MYH7B: variants seen among roughly 807,000 people sequenced by gnomAD.
MYH7B encodes myosin-7B.
Under a neutral mutation model 234.5 loss-of-function variants are expected in MYH7B, and 205 were observed. The observed-to-expected ratio is 0.87, with a 90% CI of 0.78 to 0.98. The LOEUF is 0.98. Ranked by LOEUF, MYH7B falls within the 50% of genes least tolerant of loss-of-function variation. MYH7B has a pLI of 0.00. For synonymous variants in MYH7B, 1,193 were observed against 1,105.0 expected (o/e 1.08, Z -1.58); for missense variants, 2,652 against 2,633.4 (o/e 1.01, Z -0.15).
chr20:35,000,312 G>A (rs1173385507), exon 39 of MYH7B: 3 of 1,588,878 alleles, frequency 1.9e-6, no homozygotes, highest in East Asian at 2.2e-5. Context: ...CCAGCGAGCT[G>A]TGGAGTCCCT....
Position 35,000,685 on chromosome 20 carries a change from C to A in MYH7B, c.5174C>A (p.Ser1725Ter), listed in dbSNP as rs781351049. The stretch of plus-strand genomic sequence containing the variant: ...ACCGAGCGCCTCAACCTTCTGCATT[C>A]GCAGGTGGGGACAGGAGTCCCTGGG... The change falls in exon 39 of 45, where the codon TCG becomes TAG. Residue 1725 changes from serine to a stop codon, truncating the protein, a stop_gained. Coordinates refer to ENST00000262873, the Ensembl canonical transcript of MYH7B. LOFTEE classifies it high-confidence loss of function. 1.3e-6 allele frequency: 2 copies of A among 1,594,042 alleles called. No homozygotes were observed. The highest frequency in any genetic ancestry group is 3.6e-5 in the Admixed American group (2 of 55,290).
chr20:34,990,065 G>T lies in MYH7B; in HGVS notation c.1819G>T (p.Glu607Ter). The T allele has an allele frequency of 6.2e-7, 1 of 1,614,188 alleles. No individual in the cohort carries two copies. Among genetic ancestry groups the T allele is most frequent in the Non-Finnish European group, 8.5e-7 (1 of 1,180,036 alleles). ...GGAGAAAAACAAGGATCCCCTGAAT[G>T]AGACCGTGGTCCCCATCTTCCAGAA... The change falls in exon 21 of 45, where the codon GAG becomes TAG. Residue 607 changes from glutamate to a stop codon, truncating the protein, a stop_gained. Transcript: ENST00000262873. LOFTEE classifies it high-confidence loss of function.
Position 34,977,613 on chromosome 20 carries a change from C to A in MYH7B, c.-121-19C>A. On this transcript the variant is annotated intron_variant, in intron 3 of 44. Transcript: ENST00000262873. Reference sequence around the variant, plus strand: ...ACGTGGAGATTGCTGACATAGCTCTCCTCCTCTGACCTTGACAGTGGCAAT... The same window carrying A: ...ACGTGGAGATTGCTGACATAGCTCTACTCCTCTGACCTTGACAGTGGCAAT... 6.4e-7 allele frequency: 1 copy of A among 1,573,564 alleles called. No homozygotes were observed. The highest frequency in any genetic ancestry group is 8.6e-7 in the Non-Finnish European group (1 of 1,158,898).
intron 14 of MYH7B, 65 bp from the exon 15 acceptor site, chr20:34,986,821 A>G: frequency 2.9e-6 from 4 of 1,373,912 alleles, no homozygotes; most frequent in South Asian, 1.2e-5. Context: ...CTATGCTGCA[A>G]TTGTTGTGGG....
In MYH7B at chr20:34,987,146, C is replaced by G; in HGVS notation, c.1009-3C>G. On this transcript the variant is annotated splice_region_variant and splice_polypyrimidine_tract_variant and intron_variant, in intron 15 of 44. Coordinates refer to ENST00000262873, the Ensembl canonical transcript of MYH7B. Reference sequence around the variant, plus strand: ...TGAACTCGCTTTCCCTGCTGCCCCCCAGCATGCCATGGACATCCTAGGCTT... The same window carrying G: ...TGAACTCGCTTTCCCTGCTGCCCCCGAGCATGCCATGGACATCCTAGGCTT... 6.2e-7 allele frequency: 1 copy of G among 1,613,324 alleles called. No homozygotes were observed. The highest frequency in any genetic ancestry group is 2.2e-5 in the East Asian group (1 of 44,876).
chr20:34,987,332 A>G (rs745668335), intron 16 of MYH7B, 45 bp downstream of exon 16: 1 of 1,602,558 alleles, frequency 6.2e-7, no homozygotes, highest in Non-Finnish European at 8.5e-7. Context: ...AGACCTCAGC[A>G]TCCTGTCCAT....
At chr20:35,001,667 G>C in intron 43 of MYH7B, 141 bp downstream of exon 43, 1 of 833,152 alleles carries the variant, frequency 1.2e-6, no homozygotes, top group East Asian at 2.7e-5. Flanking sequence ...AACATCTCTG[G>C]GGAGATCAGA....
rs371509424 is a variant in MYH7B, at chr20:34,995,491, C to T, written c.2856C>T (p.Asp952=). Reference sequence around the variant, plus strand: ...CCGCCCGCCGGCGCAAGCTGGAGGACGAGTGCACGGAGCTCAAGAAGGACA... The same window carrying T: ...CCGCCCGCCGGCGCAAGCTGGAGGATGAGTGCACGGAGCTCAAGAAGGACA... The change falls in exon 28 of 45, where the codon GAC becomes GAT. Residue 952 remains aspartate, a synonymous_variant. Transcript: ENST00000262873. 2.9e-5 allele frequency: 47 copies of T among 1,613,992 alleles called. No homozygotes were observed. Among genetic ancestry groups the T allele is most frequent in the Admixed American group, 2.0e-4 (12 of 59,998 alleles).
At chr20:34,966,956 C>T (rs2147153734) in intron 2 of MYH7B, among the ~76,000 whole-genome samples, 1 of 151,924 alleles carries the variant, frequency 6.6e-6, no homozygotes, top group South Asian at 2.1e-4. Flanking sequence ...GGAGGCTGAG[C>T]ACGGTGGCTC....
chr20:34,959,308 A>C (rs2081669795), intron 2 of MYH7B, among the ~76,000 whole-genome samples: 1 of 152,086 alleles, frequency 6.6e-6, no homozygotes, highest in Non-Finnish European at 1.5e-5. Context: ...CTCCCTGGCA[A>C]GGATGGAGTC....
At position 34,999,821 on chromosome 20, in the gene MYH7B, C is replaced by G; in HGVS notation, c.4696C>G (p.Leu1566Val). The change falls in exon 38 of 45, where the codon CTG (leucine) becomes GTG (valine). Residue 1566 changes from leucine (L) to valine (V), a missense_variant. Around this residue, in one of 3 missense-constraint regions of MYH7B, gnomAD observed 2,279 missense variants for 2,211.4 expected, o/e 1.03. Coordinates refer to ENST00000262873, the Ensembl canonical transcript of MYH7B. ...CCTGGAGCTGGAGGAGACCAAGACG[C>G]TGCGGATCCAGCTGGAGCTCTCCCA... 3.9e-6 allele frequency: 6 copies of G among 1,536,776 alleles called. No homozygotes were observed. The African/African-American group carries it at 4.2e-5, about 11-fold the overall frequency.
exon 30 of MYH7B, chr20:34,996,723 T>A: frequency 6.2e-7 from 1 of 1,613,326 alleles, no homozygotes; most frequent in South Asian, 1.1e-5. Flanking sequence ...CTGATGCTGC[T>A]CAAGACAAGC....
In MYH7B at chr20:34,995,441, G is replaced by A. The variant is rs776375269; in HGVS notation, c.2806G>A (p.Glu936Lys). ...GGAGCTGAGTGAGCGGCTGGAGGAT[G>A]AGGAGGAGGTGAACGCTGACCTGGC... Residue 936 changes from glutamate (E) to lysine (K), a missense_variant, in exon 28 of 45, where the codon GAG (glutamate) becomes AAG (lysine). Glu to Lys is a moderately conservative substitution (Grantham distance 56, BLOSUM62 1). Coordinates refer to ENST00000262873, the Ensembl canonical transcript of MYH7B. The A allele has an allele frequency of 2.5e-6, 4 of 1,613,568 alleles. No individual in the cohort carries two copies. The African/African-American group carries it at 4.0e-5, about 16-fold the overall frequency.
At position 34,993,416 on chromosome 20, in the gene MYH7B, C is replaced by T. The variant is rs376063767; in HGVS notation, c.2390C>T (p.Ala797Val). 74 of 1,611,968 alleles carry T rather than the reference C, an allele frequency of 4.6e-5. No individual in the cohort carries two copies. The highest frequency in any genetic ancestry group is 2.3e-4 in the African/African-American group (17 of 74,890). ...GCCAAGGTGCTGACGCTGCTGCAGG[C>T]GCGGAGCCGTGGCCGCCTCATGCGC... is the stretch of plus-strand genomic sequence containing the variant. Residue 797 changes from alanine to valine, a missense_variant, in exon 26 of 45, where the codon GCG (alanine) becomes GTG (valine). Ala to Val is a moderately conservative substitution (Grantham distance 64). Coordinates refer to ENST00000262873, the Ensembl canonical transcript of MYH7B.
intron 15 of MYH7B, 55 bp from the exon 16 acceptor site, chr20:34,987,094 T>C: frequency 1.9e-6 from 3 of 1,610,890 alleles, no homozygotes; most frequent in Non-Finnish European, 2.5e-6. Flanking sequence ...AGTGCCTGGC[T>C]GGACCCTGGA....
At chr20:34,975,528 C>T (rs754338044) in intron 3 of MYH7B, 29 bp downstream of exon 3, 1 of 711,376 alleles carries the variant, frequency 1.4e-6, no homozygotes, top group South Asian at 1.5e-5. Flanking sequence ...GGTATGTTTA[C>T]TTTGAGAAAA....
rs1350655885 is a variant in MYH7B, at chr20:35,001,230, TC to T, written c.5476-10del. 2 of 1,606,980 alleles carry T rather than the reference TC, an allele frequency of 1.2e-6. No homozygotes were observed. The highest frequency in any genetic ancestry group is 1.7e-5 in the Admixed American group (1 of 59,324). Reference sequence around the variant, plus strand: ...CAGGGGTGGGCTTGGCATCAGGCTGTCCCCCTGCCTGCAGGTACGGGAGCTG... The same window carrying T: ...CAGGGGTGGGCTTGGCATCAGGCTGTCCCCTGCCTGCAGGTACGGGAGCTG... On this transcript the variant is annotated splice_polypyrimidine_tract_variant and intron_variant, in intron 41 of 44. Transcript: ENST00000262873.
At chr20:34,979,014 G>C (rs1422441030) in intron 5 of MYH7B, among the ~76,000 whole-genome samples, 1 of 152,166 alleles carries the variant, frequency 6.6e-6, no homozygotes, top group Non-Finnish European at 1.5e-5. Context: ...CCCTCCCTAA[G>C]AGTCATATGC....
At chr20:34,977,251 G>T (rs974038720) in intron 3 of MYH7B, among the ~76,000 whole-genome samples, 1 of 152,076 alleles carries the variant, frequency 6.6e-6, no homozygotes, top group African/African-American at 2.4e-5. Flanking sequence ...TATCAAGAGG[G>T]TTGGACTAGC....
Sources: gnomAD v4.1 joint callset for allele counts (sites outside exome capture counted in the v4.1 genomes callset) on GRCh38, gnomAD v4.1.1 for gene constraint, gnomAD v4.1.1 regional missense constraint, MANE v1.5 for transcripts, NCBI Gene and HGNC (gene_info 2026-07-23, HGNC 2026-07-21) for gene names.